Variants in SENP7 observed in about 807,000 individuals in gnomAD.
SENP7 encodes the protein SUMO specific peptidase 7, also known as sentrin-specific protease 7.
SENP7 carries 64 observed loss-of-function variants against 141.2 expected under a neutral mutation model. That is an observed-to-expected ratio of 0.45 (90% CI 0.37 to 0.56). The LOEUF (loss-of-function observed/expected upper bound fraction) is 0.56, where lower values mean the gene tolerates loss of function less well. Among genes scored for constraint, SENP7 ranks in the 20% least tolerant of loss-of-function variants. The pLI is 0.00. For synonymous variants in SENP7, 382 were observed against 426.4 expected (o/e 0.90, Z 1.28); for missense variants, 1,025 against 1,212.2 (o/e 0.85, Z 2.29).
chr3:101,370,219 T>C (rs2060140680), intron 7 of SENP7, among the ~76,000 whole-genome samples: 1 of 152,222 alleles, frequency 6.6e-6, no homozygotes, highest in South Asian at 2.1e-4. Context: ...CACTGTGATC[T>C]TGAGGTAACA....
chr3:101,494,994 C>A (rs191476959), intron 2 of SENP7, among the ~76,000 whole-genome samples: 2 of 152,058 alleles, frequency 1.3e-5, no homozygotes, highest in African/African-American at 2.4e-5. Context: ...AGTGAACAGA[C>A]AACCTACAGA....
chr3:101,407,303 T>C (rs565097329), intron 5 of SENP7, among the ~76,000 whole-genome samples: 55 of 152,148 alleles, frequency 3.6e-4, no homozygotes, highest in South Asian at 2.3e-3. Context: ...CTAATAGACC[T>C]ACGAAATGAG....
At chr3:101,334,555 C>G (rs1282523141) in intron 17 of SENP7, among the ~76,000 whole-genome samples, 1 of 152,090 alleles carries the variant, frequency 6.6e-6, no homozygotes, top group African/African-American at 2.4e-5. Context: ...ACATAGGATC[C>G]AGAATGAGCT....
chr3:101,433,128 G>A (rs2062246413), intron 4 of SENP7, among the ~76,000 whole-genome samples: 1 of 152,080 alleles, frequency 6.6e-6, no homozygotes, highest in African/African-American at 2.4e-5. Flanking sequence ...ACAAAGTTAA[G>A]GCATAGAGTT....
At chr3:101,394,638 G>A (rs968813852) in intron 6 of SENP7, among the ~76,000 whole-genome samples, 6 of 151,670 alleles carry the variant, frequency 4.0e-5, no homozygotes, top group Admixed American at 2.6e-4. Flanking sequence ...TCAGCCTCCC[G>A]AGTAGCTGGG....
At chr3:101,475,156 A>T (rs923051473) in intron 3 of SENP7, among the ~76,000 whole-genome samples, 1 of 152,168 alleles carries the variant, frequency 6.6e-6, no homozygotes, top group Non-Finnish European at 1.5e-5. Flanking sequence ...GATTCCTCAA[A>T]GATCTAGAAG....
intron 14 of SENP7, 152 bp downstream of exon 14, chr3:101,343,534 C>T: frequency 5.1e-6 from 3 of 583,474 alleles, no homozygotes; most frequent in Non-Finnish European, 8.8e-6. Context: ...TTTTGTTTAA[C>T]AAATTGTTCC....
At chr3:101,433,748 C>G (rs910912544) in intron 4 of SENP7, among the ~76,000 whole-genome samples, 4 of 152,070 alleles carry the variant, frequency 2.6e-5, no homozygotes, top group Non-Finnish European at 5.9e-5. Flanking sequence ...TCACCCAACC[C>G]TGGAGCACCC....
intron 2 of SENP7, 112 bp downstream of exon 2, chr3:101,500,958 A>T (rs1347807276): frequency 2.7e-6 from 2 of 738,198 alleles, no homozygotes; most frequent in Non-Finnish European, 4.4e-6. Context: ...CAAAACACTG[A>T]CTAAAGTTTT....
At chr3:101,455,675 A>T (rs2063328200) in intron 4 of SENP7, among the ~76,000 whole-genome samples, 1 of 152,186 alleles carries the variant, frequency 6.6e-6, no homozygotes, top group Admixed American at 6.5e-5. Context: ...TTCTAAAAAT[A>T]ATCTGCCCAA....
chr3:101,441,093 CA>C (rs1301835999), intron 4 of SENP7, among the ~76,000 whole-genome samples: 3 of 152,142 alleles, frequency 2.0e-5, no homozygotes, highest in African/African-American at 7.2e-5. Context: ...CTGCCTACTC[CA>C]AACAGCACAC....
intron 6 of SENP7, among the ~76,000 whole-genome samples, chr3:101,373,350 A>G (rs1424362882): frequency 1.3e-5 from 2 of 152,180 alleles, no homozygotes; most frequent in Admixed American, 6.5e-5. Context: ...GCAAATTTAT[A>G]CCATAGAGTT....
At chr3:101,411,956 G>C (rs767541149) in intron 5 of SENP7, among the ~76,000 whole-genome samples, 5 of 152,134 alleles carry the variant, frequency 3.3e-5, no homozygotes, top group Admixed American at 6.5e-5. Flanking sequence ...TTCTGACTGT[G>C]TCTCTGCATG....
intron 13 of SENP7, among the ~76,000 whole-genome samples, chr3:101,345,080 A>G (rs4518101): frequency 0.41 from 59,785 of 146,746 alleles, 12,417 homozygotes; most frequent in Admixed American, 0.55. Context: ...CTATTTGCCT[A>G]TTTTTATACC....
At chr3:101,470,633 A>G (rs967646700) in intron 3 of SENP7, among the ~76,000 whole-genome samples, 7 of 152,180 alleles carry the variant, frequency 4.6e-5, no homozygotes, top group East Asian at 1.9e-4. Context: ...TCAACATAGT[A>G]TTGGAAGTTC....
intron 17 of SENP7, 42 bp downstream of exon 17, chr3:101,337,467 C>T (rs765546824): frequency 7.3e-7 from 1 of 1,369,372 alleles, no homozygotes; most frequent in South Asian, 1.4e-5. Flanking sequence ...AAAAATAGTA[C>T]ATTTTCTCTT....
chr3:101,467,992 A>G (rs1270884367), intron 3 of SENP7, among the ~76,000 whole-genome samples: 1 of 152,158 alleles, frequency 6.6e-6, no homozygotes, highest in Non-Finnish European at 1.5e-5. Flanking sequence ...ACTAGAATAA[A>G]GAGTGTAGAG....
intron 16 of SENP7, among the ~76,000 whole-genome samples, chr3:101,339,241 G>A (rs1391697325): frequency 6.6e-6 from 1 of 152,112 alleles, no homozygotes; most frequent in Non-Finnish European, 1.5e-5. Flanking sequence ...AAACAATAGA[G>A]CTTAGGTAAG....
intron 4 of SENP7, among the ~76,000 whole-genome samples, chr3:101,441,065 C>A (rs776486389): frequency 5.9e-5 from 9 of 152,076 alleles, no homozygotes; most frequent in Admixed American, 2.6e-4. Flanking sequence ...CATCCAGGTG[C>A]CTAAAGACAA....
Sources: gnomAD v4.1 joint callset for allele counts (sites outside exome capture counted in the v4.1 genomes callset) on GRCh38, gnomAD v4.1.1 for gene constraint, MANE v1.5 for transcripts, NCBI Gene and HGNC (gene_info 2026-07-23, HGNC 2026-07-21) for gene names.